CNTNAP2: variants seen among roughly 807,000 people sequenced by gnomAD.
CNTNAP2 encodes the protein contactin associated protein 2, also known as contactin-associated protein-like 2.
A neutral mutation model predicts 155.2 loss-of-function variants in CNTNAP2; 98 were observed. The ratio of observed to expected loss-of-function variants is 0.63; its 90% CI spans 0.54 to 0.75. The LOEUF (loss-of-function observed/expected upper bound fraction) is 0.75, where lower values mean the gene tolerates loss of function less well. Among genes scored for constraint, CNTNAP2 ranks in the 30% least tolerant of loss-of-function variants. The pLI, the probability that CNTNAP2 is intolerant of heterozygous loss-of-function variation, is 0.00. For missense variants in CNTNAP2, 1,727 were observed against 1,688.1 expected, an observed-to-expected ratio of 1.02 and a Z score of -0.40; for synonymous variants, 651 against 631.2, an observed-to-expected ratio of 1.03 and a Z score of -0.47.
chr7:147,738,451 C>A (rs182840315), intron 13 of CNTNAP2, among the ~76,000 whole-genome samples: 1 of 152,118 alleles, frequency 6.6e-6, no homozygotes, highest in African/African-American at 2.4e-5. Flanking sequence ...CAGCTTTCAA[C>A]AACAACTGCC....
intron 11 of CNTNAP2, among the ~76,000 whole-genome samples, chr7:147,557,316 C>G (rs968127888): frequency 1.3e-5 from 2 of 151,968 alleles, no homozygotes; most frequent in Admixed American, 1.3e-4. Context: ...TTTTTGCATG[C>G]TATGAAATTC....
intron 1 of CNTNAP2, among the ~76,000 whole-genome samples, chr7:146,440,122 TCAAAACAAAA>T (rs578098297): frequency 2.4e-4 from 37 of 151,606 alleles, no homozygotes; most frequent in Admixed American, 3.9e-4. Flanking sequence ...CGACTCCATC[TCAAAACAAAA>T]CAAAACAAAA....
intron 13 of CNTNAP2, among the ~76,000 whole-genome samples, chr7:147,696,792 GA>G (rs1054721553): frequency 4.9e-4 from 74 of 151,536 alleles, no homozygotes; most frequent in African/African-American, 1.7e-3. Flanking sequence ...CAGGTTGGCT[GA>G]TTTTTTTTTT....
intron 1 of CNTNAP2, among the ~76,000 whole-genome samples, chr7:146,699,113 T>C (rs1800832862): frequency 2.0e-5 from 3 of 152,126 alleles, no homozygotes; most frequent in Admixed American, 2.0e-4. Context: ...TTCTGCTGTA[T>C]CTAAGTAGGT....
At position 147,380,407 on chromosome 7, in the gene CNTNAP2, T is replaced by C. The variant is rs115529006; in HGVS notation, c.1499-15202T>C. Among the ~76,000 whole-genome samples the C allele has an allele frequency of 8.9e-3, 1,353 of 152,172 alleles. 23 individuals are homozygous for C. Among genetic ancestry groups the C allele is most frequent in the African/African-American group, 0.031 (1,297 of 41,506 alleles). On this transcript the variant is annotated intron_variant, in intron 9 of 23. Transcript: ENST00000361727. ...ATAACATGTAAAACCATCTTATTTA[T>C]ACCAAGTGCAGAAAATTGAAAAGCT...
chr7:146,247,440 A>C (rs1017089702), intron 1 of CNTNAP2, among the ~76,000 whole-genome samples: 15 of 151,756 alleles, frequency 9.9e-5, no homozygotes, highest in African/African-American at 3.6e-4. Context: ...CCTGGCCAGG[A>C]GGGGAGAGGT....
chr7:146,562,631 A>T (rs1331575864), intron 1 of CNTNAP2, among the ~76,000 whole-genome samples: 2 of 152,176 alleles, frequency 1.3e-5, no homozygotes, highest in Non-Finnish European at 2.9e-5. Context: ...AATTAATTAA[A>T]TTATGTTTAA....
At chr7:148,345,823 C>G (rs1798316575) in intron 21 of CNTNAP2, among the ~76,000 whole-genome samples, 1 of 152,054 alleles carries the variant, frequency 6.6e-6, no homozygotes, top group Non-Finnish European at 1.5e-5. Context: ...TTCTAAACTT[C>G]CGTATTTTTA....
chr7:147,737,213 C>T (rs1359734230), intron 13 of CNTNAP2, among the ~76,000 whole-genome samples: 1 of 152,134 alleles, frequency 6.6e-6, no homozygotes, highest in Non-Finnish European at 1.5e-5. Context: ...TGTTGATGTC[C>T]TTTCTGTTTA....
intron 1 of CNTNAP2, among the ~76,000 whole-genome samples, chr7:146,329,771 C>T (rs1043494917): frequency 6.6e-6 from 1 of 152,134 alleles, no homozygotes; most frequent in Admixed American, 6.6e-5. Context: ...CCTTGCCCAA[C>T]CTAAGGTTCT....
chr7:147,120,832 G>T lies in CNTNAP2; in HGVS notation c.755-147G>T, dbSNP rs112859389. On this transcript the variant is annotated intron_variant, in intron 5 of 23. Coordinates refer to ENST00000361727, the MANE Select transcript of CNTNAP2 (RefSeq NM_014141.6). Reference sequence around the variant, plus strand: ...AGAACATAAAGTATTTTTAAGTGTCGTTACTTACTGGTATCCCAGGTTAAC... The same window carrying T: ...AGAACATAAAGTATTTTTAAGTGTCTTTACTTACTGGTATCCCAGGTTAAC... 0.011 allele frequency: 8,284 copies of T among 741,184 alleles called. 393 individuals carry two copies. In the African/African-American group the frequency reaches 0.12, roughly 11 times the overall value. The allele number at this position is 741,184 out of a possible 1,614,324, so 45.9% of individuals were successfully genotyped here.
chr7:146,659,879 C>G (rs1237292208), intron 1 of CNTNAP2, among the ~76,000 whole-genome samples: 1 of 152,166 alleles, frequency 6.6e-6, no homozygotes, highest in Non-Finnish European at 1.5e-5. Flanking sequence ...AAAAGTGCCT[C>G]CTTCCACACA....
chr7:148,055,574 C>A (rs1308649182), intron 15 of CNTNAP2, among the ~76,000 whole-genome samples: 1 of 152,178 alleles, frequency 6.6e-6, no homozygotes, highest in East Asian at 1.9e-4. Context: ...CCAGATTAGG[C>A]ACCTAATGCA....
At chr7:147,822,502 A>C (rs1211203598) in intron 13 of CNTNAP2, among the ~76,000 whole-genome samples, 3 of 152,182 alleles carry the variant, frequency 2.0e-5, no homozygotes, top group African/African-American at 4.8e-5. Context: ...TGAAATTTTT[A>C]ATCTGACTTC....
intron 1 of CNTNAP2, among the ~76,000 whole-genome samples, chr7:146,133,878 G>A (rs1432415181): frequency 1.3e-5 from 2 of 152,038 alleles, no homozygotes; most frequent in Admixed American, 6.6e-5. Flanking sequence ...GTTGGCTTAG[G>A]ATTGACTTGG....
Position 146,711,505 on chromosome 7 carries a change from A to G in CNTNAP2, c.98-62766A>G, listed in dbSNP as rs1438287377. On this transcript the variant is annotated intron_variant, in intron 1 of 23. Transcript: ENST00000361727. ...CACTGCTTAAATTTCCACTGTTACCATGTGCCTGGAACAGCTTAGACATAA... is the reference window on the plus strand; with the variant it reads ...CACTGCTTAAATTTCCACTGTTACCGTGTGCCTGGAACAGCTTAGACATAA... 1.3e-5 allele frequency among the ~76,000 whole-genome samples: 2 copies of G among 148,840 alleles called. 1 individual carries two copies. Among genetic ancestry groups the G allele is most frequent in the Non-Finnish European group, 3.0e-5 (2 of 67,414 alleles).
intron 2 of CNTNAP2, among the ~76,000 whole-genome samples, chr7:146,831,399 C>A (rs998101883): frequency 1.3e-5 from 2 of 151,956 alleles, no homozygotes; most frequent in East Asian, 1.9e-4. Flanking sequence ...AAGGAACAGG[C>A]CAGGCGTGGT....
intron 12 of CNTNAP2, among the ~76,000 whole-genome samples, chr7:147,634,589 A>G (rs941777939): frequency 1.3e-5 from 2 of 152,118 alleles, no homozygotes; most frequent in Admixed American, 6.6e-5. Flanking sequence ...CCCCCAAAAT[A>G]CTGAAATGAA....
chr7:146,213,028 G>A (rs188119366), intron 1 of CNTNAP2, among the ~76,000 whole-genome samples: 12 of 152,232 alleles, frequency 7.9e-5, no homozygotes, highest in South Asian at 4.1e-4. Flanking sequence ...GCCATTGGAC[G>A]GCTACTGTAG....
Sources: allele counts gnomAD v4.1 joint callset (sites outside exome capture counted in the v4.1 genomes callset), GRCh38; gene constraint gnomAD v4.1.1; transcripts MANE v1.5; gene names NCBI Gene and HGNC (gene_info 2026-07-23, HGNC 2026-07-21).